Variants in PPA2 observed in about 807,000 individuals in gnomAD.
PPA2 encodes the protein inorganic pyrophosphatase 2, also known as inorganic pyrophosphatase 2, mitochondrial.
PPA2 carries 48 observed loss-of-function variants against 49.5 expected under a neutral mutation model. The ratio of observed to expected loss-of-function variants is 0.97; its 90% CI spans 0.77 to 1.23. The LOEUF is 1.23. Ranked by LOEUF, PPA2 falls within the 50% of genes most tolerant of loss-of-function variation. PPA2 has a pLI of 0.00. For synonymous variants in PPA2, 131 were observed against 139.9 expected (o/e 0.94, Z 0.45); for missense variants, 429 against 410.1 (o/e 1.05, Z -0.40).
intron 4 of PPA2, among the ~76,000 whole-genome samples, chr4:105,448,407 C>T (rs936494462): frequency 6.6e-6 from 1 of 151,874 alleles, no homozygotes; most frequent in African/African-American, 2.4e-5. Flanking sequence ...TGCTATCACA[C>T]CCAAAGTTAT....
intron 6 of PPA2, among the ~76,000 whole-genome samples, chr4:105,427,656 G>T (rs75301112): frequency 6.6e-6 from 1 of 152,252 alleles, no homozygotes; most frequent in African/African-American, 2.4e-5. Context: ...GAGAAAAAGA[G>T]TGAAAAGAAA....
chr4:105,461,907 A>T (rs1438244595), intron 1 of PPA2, among the ~76,000 whole-genome samples: 1 of 152,224 alleles, frequency 6.6e-6, no homozygotes, highest in Non-Finnish European at 1.5e-5. Context: ...ACACAAAGGC[A>T]TCCTCTCAGC....
At chr4:105,438,395 C>T (rs1038619504) in intron 5 of PPA2, among the ~76,000 whole-genome samples, 3 of 152,184 alleles carry the variant, frequency 2.0e-5, no homozygotes, top group Non-Finnish European at 4.4e-5. Context: ...CGCTGACTGC[C>T]TCAACTGTGG....
At chr4:105,436,648 C>T (rs4450931) in intron 6 of PPA2, among the ~76,000 whole-genome samples, 81,676 of 151,870 alleles carry the variant, frequency 0.54, 22,201 homozygotes, top group East Asian at 0.68. Flanking sequence ...TGGAACAAAA[C>T]ACAGAACAAA....
At chr4:105,463,196 GA>G (rs1202318071) in intron 1 of PPA2, among the ~76,000 whole-genome samples, 2 of 152,194 alleles carry the variant, frequency 1.3e-5, no homozygotes, top group African/African-American at 4.8e-5. Flanking sequence ...TATGGACAAT[GA>G]AATCCAGGCT....
intron 1 of PPA2, among the ~76,000 whole-genome samples, chr4:105,467,583 T>C (rs1031176004): frequency 2.0e-5 from 3 of 152,182 alleles, no homozygotes; most frequent in Non-Finnish European, 4.4e-5. Context: ...ATGAAGGTGA[T>C]TGCTGTATGG....
intron 1 of PPA2, among the ~76,000 whole-genome samples, chr4:105,461,381 G>C (rs977220296): frequency 1.3e-5 from 2 of 152,172 alleles, no homozygotes; most frequent in African/African-American, 4.8e-5. Context: ...ATTCTCCATA[G>C]ATTCGCCAGA....
chr4:105,436,015 T>C (rs1353062975), intron 6 of PPA2, among the ~76,000 whole-genome samples: 2 of 152,080 alleles, frequency 1.3e-5, no homozygotes, highest in East Asian at 1.9e-4. Context: ...GGAAGTCAAA[T>C]GATCTCTGTT....
intron 7 of PPA2, among the ~76,000 whole-genome samples, chr4:105,403,282 T>G (rs1722309443): frequency 6.6e-6 from 1 of 152,158 alleles, no homozygotes; most frequent in African/African-American, 2.4e-5. Context: ...TGGGCTCCAG[T>G]GTTCCTCCTG....
chr4:105,449,866 A>G (rs1722594106), intron 3 of PPA2, among the ~76,000 whole-genome samples: 8 of 152,236 alleles, frequency 5.3e-5, no homozygotes, highest in Admixed American at 5.2e-4. Context: ...GAAGTAAAAT[A>G]TATTTTAAAA....
At chr4:105,459,919 C>T (rs1026771801) in intron 1 of PPA2, among the ~76,000 whole-genome samples, 2 of 151,988 alleles carry the variant, frequency 1.3e-5, no homozygotes, top group African/African-American at 4.8e-5. Flanking sequence ...TAGGGTTGAC[C>T]CTAAAGGGGG....
At chr4:105,469,363 T>A (rs1723432003) in intron 1 of PPA2, among the ~76,000 whole-genome samples, 1 of 152,226 alleles carries the variant, frequency 6.6e-6, no homozygotes, top group Non-Finnish European at 1.5e-5. Context: ...TCTATGTGAT[T>A]CTTTCTCTCA....
intron 8 of PPA2, 147 bp downstream of exon 8, chr4:105,398,885 TAATAA>T (rs1560612338): frequency 7.8e-6 from 5 of 645,150 alleles, no homozygotes; most frequent in Admixed American, 7.9e-5. Flanking sequence ...AGAATTTAAA[TAATAA>T]AATAATGTTT....
At chr4:105,419,837 T>C (rs1723174415) in intron 7 of PPA2, among the ~76,000 whole-genome samples, 1 of 152,124 alleles carries the variant, frequency 6.6e-6, no homozygotes. Context: ...CGTGTCTATA[T>C]GAATAGAGTA....
At chr4:105,402,737 A>C (rs559275757) in intron 7 of PPA2, among the ~76,000 whole-genome samples, 3 of 152,280 alleles carry the variant, frequency 2.0e-5, no homozygotes, top group African/African-American at 7.2e-5. Flanking sequence ...AAAAGACTAC[A>C]TAGAGGAAAA....
intron 3 of PPA2, among the ~76,000 whole-genome samples, chr4:105,450,952 C>T (rs1242041725): frequency 6.6e-6 from 1 of 152,122 alleles, no homozygotes; most frequent in African/African-American, 2.4e-5. Flanking sequence ...TTTTAAGTAT[C>T]TGTTTACAAC....
At chr4:105,441,201 C>T (rs953274930) in intron 5 of PPA2, among the ~76,000 whole-genome samples, 1 of 151,924 alleles carries the variant, frequency 6.6e-6, no homozygotes, top group South Asian at 2.1e-4. Flanking sequence ...ATTGGTTTCA[C>T]AAAAATGACA....
intron 10 of PPA2, 78 bp from the exon 11 acceptor site, chr4:105,370,951 C>T (rs1008950014): frequency 7.5e-6 from 10 of 1,331,256 alleles, no homozygotes; most frequent in Admixed American, 7.0e-5. Flanking sequence ...AGTTTTTTCA[C>T]GAAATTATAG....
rs572211785 is a variant in PPA2, at chr4:105,471,411, CA to C, written c.157+2482del. Among the ~76,000 whole-genome samples the C allele has an allele frequency of 4.2e-3, 644 of 152,234 alleles. 4 individuals are homozygous for C. Among genetic ancestry groups the C allele is most frequent in the Admixed American group, 0.011 (165 of 15,288 alleles). ...CATTTATTCTGATTTTACTGAATGA[CA>C]GTAAAGAGAAACCATTTACAGACAT... On this transcript the variant is annotated intron_variant, in intron 1 of 11. Transcript: ENST00000341695.
Sources: allele counts gnomAD v4.1 joint callset (sites outside exome capture counted in the v4.1 genomes callset), GRCh38; gene constraint gnomAD v4.1.1; transcripts MANE v1.5; gene names NCBI Gene and HGNC (gene_info 2026-07-23, HGNC 2026-07-21).